The following CIC variants were observed in gnomAD, a reference collection of about 807,000 sequenced individuals.
The protein encoded by CIC is capicua transcriptional repressor.
In CIC, 18 loss-of-function variants were observed where a neutral mutation model predicts 115.7. The ratio of observed to expected loss-of-function variants is 0.16; its 90% CI spans 0.11 to 0.23. The LOEUF is 0.23. CIC is among the 10% of genes least tolerant of loss of function. The pLI, the probability that CIC is intolerant of heterozygous loss-of-function variation, is 1.00. For missense variants in CIC, 2,000 were observed against 2,159.3 expected (o/e 0.93, Z 1.46); for synonymous variants, 1,076 against 923.0 (o/e 1.17, Z -3.01).
chr19:42,290,191 C>CG (rs1568511962), intron 10 of CIC, 42 bp from the exon 11 acceptor site: 4 of 1,613,170 alleles, frequency 2.5e-6, no homozygotes, highest in East Asian at 4.5e-5. Flanking sequence ...ATCGAGGTGT[C>CG]GGAGTGTCCT....
In CIC at chr19:42,279,765, C is replaced by T. The variant is rs534250760; in HGVS notation, c.2794+5188C>T. On this transcript the variant is annotated intron_variant, in intron 2 of 20. Transcript: ENST00000681038. ...AATGTTGGATCTAGGTGTCAGAGAC[C>T]CCTGGAGACCGCCCTGGAAAGGCAG... 3.3e-5 allele frequency among the ~76,000 whole-genome samples: 5 copies of T among 152,242 alleles called. No individual in the cohort carries two copies. The East Asian group carries it at 5.8e-4, about 18-fold the overall frequency.
In CIC at chr19:42,292,434, G is replaced by A; in HGVS notation, c.5870G>A (p.Ser1957Asn). 1 of 1,611,270 alleles carries A rather than the reference G, an allele frequency of 6.2e-7. No individual in the cohort carries two copies. Among genetic ancestry groups the A allele is most frequent in the South Asian group, 1.1e-5 (1 of 91,048 alleles). ...CTAGGCTTCACCTCGCTGGGGCCCA[G>A]CGGCCCCGCCTTCGTGCAGCCCCTG... ...VALGFTSLGP[S>N]GPAFVQPLLS... Residue 1957 changes from serine (S) to asparagine (N), a missense_variant, in exon 14 of 21, where the codon AGC becomes AAC. Physicochemically the swap from Ser to Asn is conservative, Grantham distance 46. Transcript: ENST00000681038.
intron 2 of CIC, among the ~76,000 whole-genome samples, chr19:42,285,941 A>G (rs1172269514): frequency 3.3e-5 from 5 of 152,246 alleles, no homozygotes; most frequent in South Asian, 2.1e-4. Flanking sequence ...CTCTCTGGGT[A>G]GAGACTTGTT....
rs1292637302 is a variant in CIC at position 42,291,451 on chromosome 19, G to A, written c.5410G>A (p.Ala1804Thr). 18 of 1,612,808 alleles carry A rather than the reference G, an allele frequency of 1.1e-5. No individual in the cohort carries two copies. The highest frequency in any genetic ancestry group is 2.2e-5 in the South Asian group (2 of 91,076). Residue 1804 changes from alanine to threonine, a missense_variant, in exon 11 of 21, where the codon GCC becomes ACC. This residue lies in a region of CIC where 1,466 missense variants were observed against 1,390.4 expected (regional missense o/e 1.05). Transcript: ENST00000681038. Reference sequence around the variant, plus strand: ...CCCCATCCTGCAGTCTGTACCCTCCGCCCCACCCCCCAAAGGTGAGACCTG... The same window carrying A: ...CCCCATCCTGCAGTCTGTACCCTCCACCCCACCCCCCAAAGGTGAGACCTG... ...GIPILQSVPS[A>T]PPPKAQSVSP...
Position 42,286,826 on chromosome 19 carries a change from C to A in CIC, c.2850C>A (p.Val950=). The change falls in exon 3 of 21, where the codon GTC becomes GTA. Residue 950 remains valine, a synonymous_variant. Coordinates refer to ENST00000681038, the MANE Select transcript of CIC (RefSeq NM_001386298.1). ...SVAVFPWHSL[V]PFLAPSQPDP... ...CTGTGTTCCCTTGGCACTCCTTAGT[C>A]CCCTTCCTGGCACCCAGCCAGCCTG... 6.2e-7 allele frequency: 1 copy of A among 1,613,974 alleles called. No homozygotes were observed.
At chr19:42,292,541 C>T in intron 14 of CIC, 25 bp from the exon 15 acceptor site, 1 of 1,612,560 alleles carries the variant, frequency 6.2e-7, no homozygotes, top group South Asian at 1.1e-5. Flanking sequence ...ACTTGGTCTC[C>T]TGCTTCTTCT....
In CIC at chr19:42,287,408, C is replaced by G. The variant is rs1011626127; in HGVS notation, c.3268C>G (p.Arg1090Gly). The change falls in exon 5 of 21, where the codon CGG (arginine) becomes GGG (glycine). Residue 1090 changes from arginine to glycine, a missense_variant. Physicochemically the swap from Arg to Gly is moderately radical, Grantham distance 125. This residue lies in a region of CIC where 222 missense variants were observed against 247.7 expected (regional missense o/e 0.90). Transcript: ENST00000681038. The surrounding 1 kb of genome is among the most constrained non-coding windows in gnomAD (Gnocchi z 8.7). ...TQSLSALPKERDSSSEKDGRS... is the reference protein window; with the variant it reads ...TQSLSALPKEGDSSSEKDGRS... ...GTCCCTCAGTGCCCTACCCAAGGAACGGGACTCATCTTCTGAGAAGGATGG... is the reference window on the plus strand; with the variant it reads ...GTCCCTCAGTGCCCTACCCAAGGAAGGGGACTCATCTTCTGAGAAGGATGG... The G allele has an allele frequency of 6.2e-7, 1 of 1,613,906 alleles. No individual in the cohort carries two copies. Among genetic ancestry groups the G allele is most frequent in the African/African-American group, 1.3e-5 (1 of 74,914 alleles).
rs781571434 is a variant in CIC, at chr19:42,287,464, C to T, written c.3309+15C>T. 3 of 1,612,690 alleles carry T rather than the reference C, an allele frequency of 1.9e-6. No individual in the cohort carries two copies. The highest frequency in any genetic ancestry group is 2.2e-5 in the East Asian group (1 of 44,884). ...GCCCCAACAAGGTACTTTATCCCTG[C>T]CTGTCCTGTGCTCACCCCGTGGCCA... On this transcript the variant is annotated intron_variant, in intron 5 of 20. Transcript: ENST00000681038. The surrounding 1 kb of genome is among the most constrained non-coding windows in gnomAD (Gnocchi z 8.7).
chr19:42,293,887 G>A, intron 17 of CIC, 48 bp from the exon 18 acceptor site: 3 of 1,613,108 alleles, frequency 1.9e-6, no homozygotes, highest in Non-Finnish European at 2.5e-6. Flanking sequence ...GCGGGAGTGG[G>A]AGCAGCTGCA....
rs1353068686 is a variant in CIC at position 42,290,680 on chromosome 19, G to A, written c.4639G>A (p.Glu1547Lys). 1 of 1,613,160 alleles carries A rather than the reference G, an allele frequency of 6.2e-7. No individual in the cohort carries two copies. Among genetic ancestry groups the A allele is most frequent in the Non-Finnish European group, 8.5e-7 (1 of 1,179,924 alleles). The stretch of plus-strand genomic sequence containing the variant: ...GACACTGGTGCTGCCCCCAAACAAG[G>A]AGGAGCAAGAGGGCGGCGGAGCCAG... ...LQTLVLPPNK[E>K]EQEGGGARVP... Residue 1547 changes from glutamate to lysine, a missense_variant, in exon 11 of 21, where the codon GAG becomes AAG. Transcript: ENST00000681038.
At position 42,289,281 on chromosome 19, in the gene CIC, C is replaced by T. The variant is rs147328280; in HGVS notation, c.3962C>T (p.Ala1321Val). Residue 1321 changes from alanine (A) to valine (V), a missense_variant, in exon 9 of 21, where the codon GCC becomes GTC. Transcript: ENST00000681038. ...CCTGGTGAGGGAGGTGCCTTGGCGG[C>T]CACTGGGCGGCCCCCGCTGCTGCCC... is the stretch of plus-strand genomic sequence containing the variant. ...AAPGEGGALA[A>V]TGRPPLLPTR... 6.1e-5 allele frequency: 98 copies of T among 1,613,852 alleles called. No individual in the cohort carries two copies. The African/African-American group carries it at 1.2e-3, about 20-fold the overall frequency.
intron 2 of CIC, chr19:42,284,656 G>C: frequency 2.1e-6 from 3 of 1,439,208 alleles, no homozygotes; most frequent in Non-Finnish European, 2.8e-6. Context: ...GAGCGGCGTC[G>C]GCCGCTGAGG....
In CIC at chr19:42,273,208, A is replaced by G; in HGVS notation, c.1425A>G (p.Thr475=). 5.0e-6 allele frequency: 2 copies of G among 398,624 alleles called. No individual in the cohort carries two copies. Among genetic ancestry groups the G allele is most frequent in the East Asian group, 3.6e-5 (1 of 28,056 alleles). The allele number at this position is 398,624 out of a possible 1,614,324, so 24.7% of individuals were successfully genotyped here. Reference sequence around the variant, plus strand: ...CAGCCCGGGCCCGCACGCCACTGACAGCCGCCCAGCAGAAGTACAAGAAGG... The same window carrying G: ...CAGCCCGGGCCCGCACGCCACTGACGGCCGCCCAGCAGAAGTACAAGAAGG... ...APAARARTPL[T]AAQQKYKKGD... is the part of the protein sequence containing the mutation. The change falls in exon 2 of 21, where the codon ACA becomes ACG. Residue 475 remains threonine, a synonymous_variant. Coordinates refer to ENST00000681038, the MANE Select transcript of CIC (RefSeq NM_001386298.1).
chr19:42,283,644 C>T (rs2037370664), intron 2 of CIC, among the ~76,000 whole-genome samples: 1 of 152,064 alleles, frequency 6.6e-6, no homozygotes, highest in African/African-American at 2.4e-5. Flanking sequence ...GCCAGGCGCG[C>T]CCAGGCGGGT....
At chr19:42,284,069 G>A (rs1322855199) in intron 2 of CIC, 1 of 148,810 alleles carries the variant, frequency 6.7e-6, no homozygotes, top group Non-Finnish European at 1.5e-5. Context: ...GCGGGGCGGG[G>A]AGGCGGTGGT....
chr19:42,292,873 C>T lies in CIC; in HGVS notation c.6196+14C>T, dbSNP rs1449332189. On this transcript the variant is annotated intron_variant, in intron 15 of 20. Transcript: ENST00000681038. ...CCAGCGCCACAGGTAGGTGTCAGAT[C>T]AACCCAGAGCAGAGTGAGTTGGGGG... The T allele has an allele frequency of 3.1e-6, 5 of 1,613,750 alleles. No homozygotes were observed. Among genetic ancestry groups the T allele is most frequent in the Non-Finnish European group, 4.2e-6 (5 of 1,180,000 alleles).
intron 2 of CIC, among the ~76,000 whole-genome samples, chr19:42,275,382 G>A (rs1402170584): frequency 6.6e-6 from 1 of 152,238 alleles, no homozygotes; most frequent in African/African-American, 2.4e-5. Flanking sequence ...GACAGGGCGT[G>A]TAAGCCAGGA....
At position 42,292,190 on chromosome 19, in the gene CIC, G is replaced by T; in HGVS notation, c.5718G>T (p.Leu1906=). Residue 1906 remains leucine, a synonymous_variant, in exon 13 of 21, where the codon CTG becomes CTT. Transcript: ENST00000681038. ...CCACCTCTCAGCCTCAGAAGGTCCT[G>T]TTGCCCTCCTCCACCAGGTAATTGC... ...PGPTSQPQKV[L]LPSSTRITYV... is the part of the protein sequence containing the mutation. 6.2e-7 allele frequency: 1 copy of T among 1,613,956 alleles called. No homozygotes were observed. The highest frequency in any genetic ancestry group is 8.5e-7 in the Non-Finnish European group (1 of 1,180,020).
intron 2 of CIC, chr19:42,284,840 G>T: frequency 7.6e-7 from 1 of 1,322,596 alleles, no homozygotes; most frequent in Non-Finnish European, 1.1e-6. Flanking sequence ...GAGTAACGGT[G>T]GTGGGGGTAT....
Sources: gnomAD v4.1 joint callset for allele counts (sites outside exome capture counted in the v4.1 genomes callset) on GRCh38, gnomAD v4.1.1 for gene constraint, gnomAD v4.1.1 regional missense constraint, Gnocchi (gnomAD v3.1) non-coding constraint, MANE v1.5 for transcripts, NCBI Gene and HGNC (gene_info 2026-07-23, HGNC 2026-07-21) for gene names.